Variants in IFT140 observed in about 807,000 individuals in gnomAD.
IFT140 encodes the protein intraflagellar transport 140.
Under a neutral mutation model 164.6 loss-of-function variants are expected in IFT140, and 133 were observed. The observed-to-expected ratio is 0.81, with a 90% confidence interval of 0.70 to 0.93. The LOEUF (loss-of-function observed/expected upper bound fraction) is 0.93. Ranked by LOEUF, IFT140 falls within the 40% of genes least tolerant of loss-of-function variation. The pLI is 0.00. For synonymous variants in IFT140, 860 were observed against 817.3 expected (o/e 1.05, Z -0.89); for missense variants, 2,045 against 1,972.3 (o/e 1.04, Z -0.70).
At chr16:1,606,830 G>GCA (rs150810644) in intron 3 of IFT140, among the ~76,000 whole-genome samples, 4 of 151,108 alleles carry the variant, frequency 2.6e-5, no homozygotes, top group East Asian at 1.9e-4. Context: ...CGCACCACAC[G>GCA]CACACACACA....
intron 2 of IFT140, 182 bp downstream of exon 2, chr16:1,610,482 C>G (rs1196776901): frequency 1.9e-5 from 3 of 154,288 alleles, no homozygotes; most frequent in African/African-American, 2.4e-5. Flanking sequence ...GACCTGGACC[C>G]CGCGCCAAGC....
At position 1,534,479 on chromosome 16, in the gene IFT140, G is replaced by A. The variant is rs1446400733; in HGVS notation, c.2400-7683C>T. 1.9e-6 allele frequency: 3 copies of A among 1,610,612 alleles called. No individual in the cohort carries two copies. The Admixed American group carries it at 5.0e-5, about 27-fold the overall frequency. On this transcript the variant is annotated intron_variant, in intron 19 of 30. Coordinates refer to ENST00000426508, the MANE Select transcript of IFT140 (RefSeq NM_014714.4). Reference sequence around the variant, plus strand: ...GCCCTGGGGCCAGAGCCGGCCAGGTGGACGCACATGACTGTGAGGCGCTGG... The same window carrying A: ...GCCCTGGGGCCAGAGCCGGCCAGGTAGACGCACATGACTGTGAGGCGCTGG...
chr16:1,576,046 G>C (rs1339990339), intron 13 of IFT140, among the ~76,000 whole-genome samples: 1 of 152,166 alleles, frequency 6.6e-6, no homozygotes, highest in Non-Finnish European at 1.5e-5. Flanking sequence ...AGCACTTTGG[G>C]AGACTGAGGC....
At position 1,589,601 on chromosome 16, in the gene IFT140, T is replaced by A; in HGVS notation, c.810+4A>T. On this transcript the variant is annotated splice_donor_region_variant and intron_variant, in intron 7 of 30. Transcript: ENST00000426508. ...CGTGAGCCCCCAAGCCCACTCCCACTCACCTTCATCACTTCTTCTGCTTTG... is the reference window on the plus strand; with the variant it reads ...CGTGAGCCCCCAAGCCCACTCCCACACACCTTCATCACTTCTTCTGCTTTG... 1 of 1,612,380 alleles carries A rather than the reference T, an allele frequency of 6.2e-7. No homozygotes were observed. The highest frequency in any genetic ancestry group is 8.5e-7 in the Non-Finnish European group (1 of 1,178,560).
rs1300027975 is a variant in IFT140, at chr16:1,531,866, A to C, written c.2400-5070T>G. Reference sequence around the variant, plus strand: ...CCTCCCCACTCAACCTGAGGAAAGGACCAGAGCGGGCCGCTGAGACAATCA... The same window carrying C: ...CCTCCCCACTCAACCTGAGGAAAGGCCCAGAGCGGGCCGCTGAGACAATCA... On this transcript the variant is annotated intron_variant, in intron 19 of 30. Transcript: ENST00000426508. The surrounding 1 kb of genome is among the most constrained non-coding windows in gnomAD (Gnocchi z 4.7). 6.6e-6 allele frequency: 1 copy of C among 152,242 alleles called. No homozygotes were observed. Among genetic ancestry groups the C allele is most frequent in the Non-Finnish European group, 1.5e-5 (1 of 68,060 alleles). 9.4% of individuals were successfully genotyped at this position (152,242 alleles called of 1,614,324 possible). A position where few individuals can be genotyped will look rare whatever the true frequency, so the allele number is the denominator to read the frequency against.
intron 13 of IFT140, among the ~76,000 whole-genome samples, chr16:1,572,624 C>T (rs995573274): frequency 1.3e-5 from 2 of 152,104 alleles, no homozygotes; most frequent in African/African-American, 2.4e-5. Context: ...CCAGCCTGGG[C>T]GACAGAGCAA....
At chr16:1,568,426 T>C (rs1261553742) in intron 14 of IFT140, 92 bp from the exon 15 acceptor site, 1 of 1,025,002 alleles carries the variant, frequency 9.8e-7, no homozygotes, top group African/African-American at 1.6e-5. Flanking sequence ...GGATGAGTGC[T>C]GCACAGCTCT....
chr16:1,585,932 G>A (rs1267996308), intron 10 of IFT140, among the ~76,000 whole-genome samples, 198 bp downstream of exon 10: 6 of 151,950 alleles, frequency 3.9e-5, no homozygotes, highest in African/African-American at 9.7e-5. Context: ...CACCACGCCC[G>A]GCTAATTTTT....
intron 13 of IFT140, among the ~76,000 whole-genome samples, chr16:1,574,542 A>C (rs1398910916): frequency 1.3e-5 from 2 of 152,110 alleles, no homozygotes; most frequent in Non-Finnish European, 2.9e-5. Context: ...GGGCCTCCCA[A>C]AGTGCTGGGA....
intron 2 of IFT140, among the ~76,000 whole-genome samples, chr16:1,608,758 C>CA: frequency 6.6e-6 from 1 of 152,130 alleles, no homozygotes; most frequent in Non-Finnish European, 1.5e-5. Flanking sequence ...ACAGGGCCCC[C>CA]AGGCTGGAGA....
At chr16:1,526,589 C>T in intron 20 of IFT140, 30 bp downstream of exon 20, 1 of 1,491,284 alleles carries the variant, frequency 6.7e-7, no homozygotes, top group Non-Finnish European at 8.9e-7. Context: ...GTGGTGCCTT[C>T]CCACCCACCC....
At chr16:1,576,762 CA>C (rs1242192398) in intron 13 of IFT140, 2 of 152,120 alleles carry the variant, frequency 1.3e-5, no homozygotes, top group Non-Finnish European at 2.9e-5. Flanking sequence ...AAAGTATACA[CA>C]AATGTGCACA....
intron 4 of IFT140, among the ~76,000 whole-genome samples, chr16:1,600,820 AAC>A (rs1420658782): frequency 4.6e-5 from 7 of 152,162 alleles, no homozygotes; most frequent in Non-Finnish European, 1.0e-4. Flanking sequence ...TGAGGAGACA[AAC>A]ACAGCCAACT....
intron 28 of IFT140, 27 bp from the exon 29 acceptor site, chr16:1,520,074 T>A (rs760646482): frequency 6.2e-7 from 1 of 1,608,030 alleles, no homozygotes; most frequent in Non-Finnish European, 8.5e-7. Context: ...CGTCAAGACC[T>A]GCCGGGCTCC....
At chr16:1,562,332 C>T (rs987318917) in intron 17 of IFT140, among the ~76,000 whole-genome samples, 2 of 152,066 alleles carry the variant, frequency 1.3e-5, no homozygotes, top group East Asian at 1.9e-4. Context: ...GCACCTCGTC[C>T]AGCTTGCGAC....
chr16:1,604,317 G>GTGTGTGTGTGTGTGTGTGTGTGTGT (rs10701132), intron 3 of IFT140: 9 of 125,002 alleles, frequency 7.2e-5, no homozygotes, highest in East Asian at 2.5e-4. Context: ...GTGTGTGTGT[G>GTGTGTGTGTGTGTGTGTGTGTGTGT]GAGGGGGGAG....
intron 19 of IFT140, chr16:1,555,047 A>T: frequency 1.3e-6 from 2 of 1,595,314 alleles, no homozygotes; most frequent in Non-Finnish European, 1.7e-6. Flanking sequence ...TCAGCGCTCC[A>T]TCAACGCACA....
chr16:1,526,578 C>G (rs771441310), intron 20 of IFT140, 41 bp downstream of exon 20: 1 of 1,455,314 alleles, frequency 6.9e-7, no homozygotes, highest in Non-Finnish European at 9.0e-7. Flanking sequence ...CTGTGGCAGG[C>G]GTGGTGCCTT....
chr16:1,574,238 G>A (rs774580432), intron 13 of IFT140, among the ~76,000 whole-genome samples: 8 of 152,108 alleles, frequency 5.3e-5, no homozygotes, highest in Non-Finnish European at 8.8e-5. Flanking sequence ...TGAGTTTTCT[G>A]GGCAGCTGCC....
Sources: allele counts gnomAD v4.1 joint callset (sites outside exome capture counted in the v4.1 genomes callset), GRCh38; gene constraint gnomAD v4.1.1; non-coding constraint Gnocchi (gnomAD v3.1); transcripts MANE v1.5; gene names NCBI Gene and HGNC (gene_info 2026-07-23, HGNC 2026-07-21).